The following SPSB4 variants were observed in gnomAD, a reference collection of about 807,000 sequenced individuals.
SPSB4 encodes SPRY domain-containing SOCS box protein 4.
SPSB4 carries 21 observed loss-of-function variants against 20.9 expected under a neutral mutation model. That is an observed-to-expected ratio of 1.01 (90% CI 0.71 to 1.45). The LOEUF is 1.45. Among genes scored for constraint, SPSB4 ranks in the 40% most tolerant of loss-of-function variants. The pLI, the probability that SPSB4 is intolerant of heterozygous loss-of-function variation, is 0.00. For missense variants in SPSB4, 399 were observed against 399.2 expected (o/e 1.00, Z 0.00); for synonymous variants, 207 against 183.8 (o/e 1.13, Z -1.02).
At chr3:141,137,569 C>CT (rs1939250460) in intron 2 of SPSB4, among the ~76,000 whole-genome samples, 1 of 152,138 alleles carries the variant, frequency 6.6e-6, no homozygotes, top group Non-Finnish European at 1.5e-5. Context: ...TGTCAAAGGC[C>CT]TTTTCTGCAT....
chr3:141,136,310 G>A (rs1397924182), intron 2 of SPSB4, among the ~76,000 whole-genome samples: 1 of 152,108 alleles, frequency 6.6e-6, no homozygotes, highest in Non-Finnish European at 1.5e-5. Context: ...TCTGATGGTG[G>A]TTTCTTTTGC....
chr3:141,096,732 C>A (rs1187355339), intron 2 of SPSB4, among the ~76,000 whole-genome samples: 1 of 152,196 alleles, frequency 6.6e-6, no homozygotes, highest in Non-Finnish European at 1.5e-5. Flanking sequence ...CCAAGTTGCA[C>A]GTGACTTCTT....
chr3:141,080,882 G>A (rs558811643), intron 2 of SPSB4, among the ~76,000 whole-genome samples: 34 of 152,352 alleles, frequency 2.2e-4, no homozygotes, highest in Middle Eastern at 3.4e-3. Flanking sequence ...TAAAAGGCAG[G>A]AGGCGGACAG....
Position 141,147,334 on chromosome 3 carries a change from C to T in SPSB4, c.*65C>T. 6.2e-7 allele frequency: 1 copy of T among 1,602,458 alleles called. No homozygotes were observed. On this transcript the variant is annotated 3_prime_UTR_variant, in exon 3 of 3. Transcript: ENST00000310546. ...CAGGGCCCGACCCTCCTGTCATTCACAGTCCCATGGCACATAGGGGAAAGG... is the reference window on the plus strand; with the variant it reads ...CAGGGCCCGACCCTCCTGTCATTCATAGTCCCATGGCACATAGGGGAAAGG...
intron 2 of SPSB4, among the ~76,000 whole-genome samples, chr3:141,070,461 G>C (rs1240865269): frequency 6.6e-6 from 1 of 152,020 alleles, no homozygotes; most frequent in African/African-American, 2.4e-5. Flanking sequence ...CTCCTGAGTA[G>C]CTGGGGCTAC....
chr3:141,116,040 C>T (rs1042541354), intron 2 of SPSB4, among the ~76,000 whole-genome samples: 6 of 152,340 alleles, frequency 3.9e-5, no homozygotes, highest in African/African-American at 1.4e-4. Flanking sequence ...TCATATTAAG[C>T]CCCTGGGGTT....
chr3:141,118,161 A>T (rs1310582213), intron 2 of SPSB4, among the ~76,000 whole-genome samples: 1 of 151,812 alleles, frequency 6.6e-6, no homozygotes, highest in Non-Finnish European at 1.5e-5. Flanking sequence ...CCTCTCCAGC[A>T]CCTGTCTTTT....
chr3:141,113,942 G>A (rs996091290), intron 2 of SPSB4, among the ~76,000 whole-genome samples: 2 of 152,122 alleles, frequency 1.3e-5, no homozygotes, highest in Admixed American at 1.3e-4. Flanking sequence ...CAAAAAATTA[G>A]CCAGACATGG....
At chr3:141,095,188 G>A (rs1009891872) in intron 2 of SPSB4, among the ~76,000 whole-genome samples, 3 of 152,166 alleles carry the variant, frequency 2.0e-5, no homozygotes, top group Non-Finnish European at 4.4e-5. Flanking sequence ...TGCGTCCTAG[G>A]TGTGCGGGTG....
chr3:141,110,976 C>G (rs929910495), intron 2 of SPSB4, among the ~76,000 whole-genome samples: 2 of 152,162 alleles, frequency 1.3e-5, no homozygotes, highest in Admixed American at 1.3e-4. Context: ...GAAACCTGTG[C>G]ATGTAACAAA....
Position 141,112,668 on chromosome 3 carries a change from AAGAC to A in SPSB4, c.695-34470_695-34467del, listed in dbSNP as rs1264020711. 6.0e-5 allele frequency among the ~76,000 whole-genome samples: 9 copies of A among 149,456 alleles called. No individual in the cohort carries two copies. The South Asian group carries it at 1.1e-3, about 18-fold the overall frequency. On this transcript the variant is annotated intron_variant, in intron 2 of 2. Coordinates refer to ENST00000310546, the MANE Select transcript of SPSB4 (RefSeq NM_080862.3). ...TCAAAAAAAAAAAAAAAAAAAAAAA[AAGAC>A]AGAAGGAATCTTGTTCAACTAAATT...
intron 2 of SPSB4, among the ~76,000 whole-genome samples, chr3:141,140,872 T>A (rs536269187): frequency 1.3e-5 from 2 of 152,348 alleles, no homozygotes; most frequent in Admixed American, 1.3e-4. Context: ...GACAGGGACA[T>A]TTAAGACTGC....
rs1310811852 is a variant in SPSB4, at chr3:141,147,730, GC to G, written c.*465del. 1 of 167,794 alleles carries G rather than the reference GC, an allele frequency of 6.0e-6. No individual in the cohort carries two copies. The highest frequency in any genetic ancestry group is 1.3e-5 in the Non-Finnish European group (1 of 75,834). 10.4% of individuals were successfully genotyped at this position (167,794 alleles called of 1,614,324 possible). A position where few individuals can be genotyped will look rare whatever the true frequency, so the allele number is the denominator to read the frequency against. On this transcript the variant is annotated 3_prime_UTR_variant, in exon 3 of 3. Coordinates refer to ENST00000310546, the MANE Select transcript of SPSB4 (RefSeq NM_080862.3). ...ATGAATGATGAAAGCCTGACGCCGT[GC>G]CCCTCCTGGCCCATACGCCTTGCCA...
intron 2 of SPSB4, among the ~76,000 whole-genome samples, chr3:141,103,565 C>T (rs1938644867): frequency 6.6e-6 from 1 of 152,206 alleles, no homozygotes; most frequent in African/African-American, 2.4e-5. Flanking sequence ...TACTTGCTTG[C>T]AGTTCATTTA....
At chr3:141,085,833 G>T (rs758651890) in intron 2 of SPSB4, among the ~76,000 whole-genome samples, 20 of 152,212 alleles carry the variant, frequency 1.3e-4, no homozygotes, top group Non-Finnish European at 2.4e-4. Context: ...CCAAGGTTTG[G>T]TGCAGCTCCT....
chr3:141,072,017 G>A (rs1469008881), intron 2 of SPSB4, among the ~76,000 whole-genome samples: 3 of 152,196 alleles, frequency 2.0e-5, no homozygotes, highest in Non-Finnish European at 4.4e-5. Context: ...TGCATCTCCC[G>A]GGGTAGTGAG....
chr3:141,139,995 T>A (rs1395237520), intron 2 of SPSB4, among the ~76,000 whole-genome samples: 4 of 152,216 alleles, frequency 2.6e-5, no homozygotes, highest in Non-Finnish European at 5.9e-5. Flanking sequence ...TTTGGTCTTT[T>A]CACATAGTCC....
intron 2 of SPSB4, among the ~76,000 whole-genome samples, chr3:141,069,491 C>T (rs1937953120): frequency 6.6e-6 from 1 of 152,120 alleles, no homozygotes; most frequent in Non-Finnish European, 1.5e-5. Flanking sequence ...TGGCAGGTCC[C>T]CAAACTCAGA....
At chr3:141,111,694 C>T (rs1938800404) in intron 2 of SPSB4, among the ~76,000 whole-genome samples, 1 of 152,120 alleles carries the variant, frequency 6.6e-6, no homozygotes, top group Non-Finnish European at 1.5e-5. Flanking sequence ...CCCATTAATC[C>T]TCTAGGGTGT....
Sources: gnomAD v4.1 joint callset for allele counts (sites outside exome capture counted in the v4.1 genomes callset) on GRCh38, gnomAD v4.1.1 for gene constraint, MANE v1.5 for transcripts, NCBI Gene and HGNC (gene_info 2026-07-23, HGNC 2026-07-21) for gene names.